IGFBP5: variants seen among roughly 807,000 people sequenced by gnomAD.
The protein encoded by IGFBP5 is insulin like growth factor binding protein 5.
IGFBP5 carries 12 observed loss-of-function variants against 28.0 expected under a neutral mutation model. The ratio of observed to expected loss-of-function variants is 0.43; its 90% confidence interval spans 0.27 to 0.69. The LOEUF is 0.69. Ranked by LOEUF, IGFBP5 falls within the 30% of genes least tolerant of loss-of-function variation. The pLI is 0.20. For synonymous variants in IGFBP5, 152 were observed against 150.2 expected, an observed-to-expected ratio of 1.01 and a Z score of -0.09; for missense variants, 344 against 381.6, an observed-to-expected ratio of 0.90 and a Z score of 0.82.
At chr2:216,688,475 A>T (rs1245209164) in intron 1 of IGFBP5, among the ~76,000 whole-genome samples, 4 of 152,220 alleles carry the variant, frequency 2.6e-5, no homozygotes, top group Admixed American at 6.5e-5. Context: ...TTACCTTTTT[A>T]AAAAAGATGT....
At position 216,678,157 on chromosome 2, in the gene IGFBP5, C is replaced by T. The variant is rs1269559117; in HGVS notation, c.642G>A (p.Val214=). The T allele has an allele frequency of 1.9e-6, 3 of 1,590,528 alleles. No individual in the cohort carries two copies. The highest frequency in any genetic ancestry group is 2.6e-6 in the Non-Finnish European group (3 of 1,165,512). The stretch of plus-strand genomic sequence containing the variant: ...CTTTGCGGTCACAATTGGGCAGGTA[C>T]ACAGCACGGGGCACCATGCGTGGGC... ...KASPRMVPRA[V]YLPNCDRKGF... is the part of the protein sequence containing the mutation. Residue 214 remains valine (V), a synonymous_variant, in exon 3 of 4, where the codon GTG becomes GTA. Transcript: ENST00000233813.
At position 216,678,934 on chromosome 2, in the gene IGFBP5, G is replaced by A; in HGVS notation, c.483C>T (p.Thr161=). 6.2e-7 allele frequency: 1 copy of A among 1,614,212 alleles called. No individual in the cohort carries two copies. The highest frequency in any genetic ancestry group is 1.1e-5 in the South Asian group (1 of 91,082). The change falls in exon 2 of 4, where the codon ACC becomes ACT. Residue 161 remains threonine, a synonymous_variant. Coordinates refer to ENST00000233813, the MANE Select transcript of IGFBP5 (RefSeq NM_000599.4). ...AVKKDRRKKL[T]QSKFVGGAEN... ...CGGCTCCCCCGACAAACTTGGACTG[G>A]GTCAGCTTCTTTCTGCGGTCCTTCT...
chr2:216,692,231 C>T lies in IGFBP5; in HGVS notation c.337+2208G>A, dbSNP rs962711585. 6.6e-6 allele frequency among the ~76,000 whole-genome samples: 1 copy of T among 152,004 alleles called. No individual in the cohort carries two copies. Among genetic ancestry groups the T allele is most frequent in the African/African-American group, 2.4e-5 (1 of 41,398 alleles). ...GCACCTGCCTTCGGCGGGGTGGAGTCGGAGAGGAGTGCTGGGGAGGGGGCG... is the reference window on the plus strand; with the variant it reads ...GCACCTGCCTTCGGCGGGGTGGAGTTGGAGAGGAGTGCTGGGGAGGGGGCG... On this transcript the variant is annotated intron_variant, in intron 1 of 3. Coordinates refer to ENST00000233813, the MANE Select transcript of IGFBP5 (RefSeq NM_000599.4). The surrounding 1 kb of genome is among the most constrained non-coding windows in gnomAD (Gnocchi z 4.2).
chr2:216,682,988 G>A (rs1295755495), intron 1 of IGFBP5, among the ~76,000 whole-genome samples: 1 of 152,126 alleles, frequency 6.6e-6, no homozygotes, highest in Non-Finnish European at 1.5e-5. Flanking sequence ...GATTACAGGC[G>A]TGAGCCACCA....
In IGFBP5 at chr2:216,694,999, C is replaced by T. The variant is rs1689151667; in HGVS notation, c.-224G>A. 4 of 382,906 alleles carry T rather than the reference C, an allele frequency of 1.0e-5. No individual in the cohort carries two copies. The Admixed American group carries it at 1.8e-4, about 17-fold the overall frequency. 23.7% of individuals were successfully genotyped at this position (382,906 alleles called of 1,614,324 possible). A position where few individuals can be genotyped will look rare whatever the true frequency, so the allele number is the denominator to read the frequency against. On this transcript the variant is annotated 5_prime_UTR_variant, in exon 1 of 4. Coordinates refer to ENST00000233813, the MANE Select transcript of IGFBP5 (RefSeq NM_000599.4). The surrounding 1 kb of genome is among the most constrained non-coding windows in gnomAD (Gnocchi z 5.2). ...CCCAGTTGCAAGAATTAAAGCCTTG[C>T]AACAGGTTGGGGGAAGCAGGGCAGC...
In IGFBP5 at chr2:216,673,393, G is replaced by T. The variant is rs1357909516; in HGVS notation, c.*3358C>A. ...TGTCTGTCTAGGCCTGGCTGTCAAA[G>T]AAAGGTTCCAGTCTCTTCCTCCCCA... On this transcript the variant is annotated 3_prime_UTR_variant, in exon 4 of 4. Coordinates refer to ENST00000233813, the MANE Select transcript of IGFBP5 (RefSeq NM_000599.4). This position sits in a 1 kb window ranked among gnomAD's most constrained non-coding sequence, Gnocchi z 4.3. 6.6e-6 allele frequency: 1 copy of T among 152,442 alleles called. No homozygotes were observed. Among genetic ancestry groups the T allele is most frequent in the Non-Finnish European group, 1.5e-5 (1 of 68,162 alleles). The allele number at this position is 152,442 out of a possible 1,614,324, so 9.4% of individuals were successfully genotyped here. A position where few individuals can be genotyped will look rare whatever the true frequency, so the allele number is the denominator to read the frequency against.
chr2:216,689,365 C>T (rs566603549), intron 1 of IGFBP5, among the ~76,000 whole-genome samples: 47 of 152,344 alleles, frequency 3.1e-4, no homozygotes, highest in Non-Finnish European at 3.7e-4. Context: ...AACCACTAGC[C>T]TAAGCCAGGC....
chr2:216,676,096 G>A lies in IGFBP5; in HGVS notation c.*655C>T, dbSNP rs1038409212. Reference sequence around the variant, plus strand: ...TTTCAGAGGAATGGAATGCATTTTAGTTTTTATAAATTTGGGGAGAGACAA... The same window carrying A: ...TTTCAGAGGAATGGAATGCATTTTAATTTTTATAAATTTGGGGAGAGACAA... On this transcript the variant is annotated 3_prime_UTR_variant, in exon 4 of 4. Coordinates refer to ENST00000233813, the MANE Select transcript of IGFBP5 (RefSeq NM_000599.4). 3 of 152,606 alleles carry A rather than the reference G, an allele frequency of 2.0e-5. No individual in the cohort carries two copies. The highest frequency in any genetic ancestry group is 1.5e-5 in the Non-Finnish European group (1 of 68,040). The allele number at this position is 152,606 out of a possible 1,614,324, so 9.5% of individuals were successfully genotyped here.
chr2:216,690,162 A>C (rs1047944708), intron 1 of IGFBP5, among the ~76,000 whole-genome samples: 2 of 152,194 alleles, frequency 1.3e-5, no homozygotes, highest in Admixed American at 6.5e-5. Flanking sequence ...TACTGTTTTG[A>C]ATAACATGTC....
rs1688937490 is a variant in IGFBP5, at chr2:216,678,944, T to C, written c.473A>G (p.Lys158Arg). ...GACAAACTTGGACTGGGTCAGCTTC[T>C]TTCTGCGGTCCTTCTTCACTGCTTC... Reference protein sequence around the residue: ...KAEAVKKDRRKKLTQSKFVGG... With the variant: ...KAEAVKKDRRRKLTQSKFVGG... The change falls in exon 2 of 4, where the codon AAG (lysine) becomes AGG (arginine). Residue 158 changes from lysine (K) to arginine (R), a missense_variant. Lys to Arg is a conservative substitution (Grantham distance 26). Transcript: ENST00000233813. The C allele has an allele frequency of 1.9e-6, 3 of 1,614,224 alleles. No individual in the cohort carries two copies. The highest frequency in any genetic ancestry group is 2.5e-6 in the Non-Finnish European group (3 of 1,180,044).
rs183867597 is a variant in IGFBP5, at chr2:216,679,368, G to C, written c.338-289C>G. On this transcript the variant is annotated intron_variant, in intron 1 of 3. Coordinates refer to ENST00000233813, the MANE Select transcript of IGFBP5 (RefSeq NM_000599.4). The surrounding 1 kb of genome is among the most constrained non-coding windows in gnomAD (Gnocchi z 4.6). ...GACTGACAGACTGATGGGTGAGGAC[G>C]GAGCAGGCCTTCTGGGGGCAGTAAG... Among the ~76,000 whole-genome samples, 3 of 152,164 alleles carry C rather than the reference G, an allele frequency of 2.0e-5. No homozygotes were observed. The highest frequency in any genetic ancestry group is 7.2e-5 in the African/African-American group (3 of 41,514).
At chr2:216,690,415 A>G (rs1039212670) in intron 1 of IGFBP5, among the ~76,000 whole-genome samples, 5 of 152,152 alleles carry the variant, frequency 3.3e-5, no homozygotes, top group Non-Finnish European at 1.5e-5. Context: ...TTTATTTTCC[A>G]CACACTAAAT....
In IGFBP5 at chr2:216,672,876, GA is replaced by G. The variant is rs1216678949; in HGVS notation, c.*3874del. 4 of 152,676 alleles carry G rather than the reference GA, an allele frequency of 2.6e-5. No homozygotes were observed. Among genetic ancestry groups the G allele is most frequent in the Admixed American group, 6.5e-5 (1 of 15,282 alleles). 9.5% of individuals were successfully genotyped at this position (152,676 alleles called of 1,614,324 possible). Reference sequence around the variant, plus strand: ...AGCCTAAGAGAAAATAAAAAGTGGAGAAACAGTGCAATGTAATTCTTGCACT... The same window carrying G: ...AGCCTAAGAGAAAATAAAAAGTGGAGAACAGTGCAATGTAATTCTTGCACT... On this transcript the variant is annotated 3_prime_UTR_variant, in exon 4 of 4. Coordinates refer to ENST00000233813, the MANE Select transcript of IGFBP5 (RefSeq NM_000599.4).
At chr2:216,678,308 G>A (rs1212757080) in intron 2 of IGFBP5, 77 bp from the exon 3 acceptor site, 2 of 1,402,960 alleles carry the variant, frequency 1.4e-6, no homozygotes, top group Non-Finnish European at 1.9e-6. Context: ...TGGCCCAGGG[G>A]GTGGGGGCTG....
chr2:216,672,282 G>A lies in IGFBP5; in HGVS notation c.*4469C>T, dbSNP rs181463665. The A allele has an allele frequency of 6.9e-6, 1 of 144,812 alleles. No homozygotes were observed. Among genetic ancestry groups the A allele is most frequent in the Non-Finnish European group, 1.5e-5 (1 of 67,134 alleles). 9.0% of individuals were successfully genotyped at this position (144,812 alleles called of 1,614,324 possible). ...AAGTACAAAATGCTAAACGGGAGCC[G>A]AGCTCTTCCGCATTCAGGTGTTTTT... On this transcript the variant is annotated 3_prime_UTR_variant, in exon 4 of 4. Coordinates refer to ENST00000233813, the MANE Select transcript of IGFBP5 (RefSeq NM_000599.4).
rs1017201518 is a variant in IGFBP5, at chr2:216,675,512, T to G, written c.*1239A>C. ...CTCTGCCTGGCTCGGTGGGTGCAGA[T>G]GAACACACGTGGGGAATCACTGTCA... is the stretch of plus-strand genomic sequence containing the variant. On this transcript the variant is annotated 3_prime_UTR_variant, in exon 4 of 4. Transcript: ENST00000233813. The G allele has an allele frequency of 6.6e-6, 1 of 152,142 alleles. No individual in the cohort carries two copies. The highest frequency in any genetic ancestry group is 2.1e-4 in the South Asian group (1 of 4,812). The allele number at this position is 152,142 out of a possible 1,614,324, so 9.4% of individuals were successfully genotyped here.
At chr2:216,683,310 C>G (rs1006425178) in intron 1 of IGFBP5, among the ~76,000 whole-genome samples, 4 of 152,214 alleles carry the variant, frequency 2.6e-5, no homozygotes, top group African/African-American at 9.6e-5. Context: ...TGAGGTGAGC[C>G]ATGATTGCTC....
At position 216,694,322 on chromosome 2, in the gene IGFBP5, A is replaced by T; in HGVS notation, c.337+117T>A. 1 of 808,680 alleles carries T rather than the reference A, an allele frequency of 1.2e-6. No homozygotes were observed. Among genetic ancestry groups the T allele is most frequent in the Non-Finnish European group, 1.8e-6 (1 of 542,904 alleles). The allele number at this position is 808,680 out of a possible 1,614,324, so 50.1% of individuals were successfully genotyped here. ...CGGGGTGCAAGGACCCTCCCCGACT[A>T]CTCCCGAGCTGCACCCCAGCTCGAA... On this transcript the variant is annotated intron_variant, in intron 1 of 3. Transcript: ENST00000233813. This position sits in a 1 kb window ranked among gnomAD's most constrained non-coding sequence, Gnocchi z 5.2.
Position 216,676,787 on chromosome 2 carries a change from A to G in IGFBP5, c.783T>C (p.Phe261=). ...TGCTGCTGTCGAAGGTGTGGCACTG[A>G]AAGTCCCCGTCAACGTACTCCATGC... is the stretch of plus-strand genomic sequence containing the variant. ...LPGMEYVDGD[F]QCHTFDSSNV... The change falls in exon 4 of 4, where the codon TTT becomes TTC. Residue 261 remains phenylalanine (F), a synonymous_variant. Coordinates refer to ENST00000233813, the MANE Select transcript of IGFBP5 (RefSeq NM_000599.4). 2 of 1,613,918 alleles carry G rather than the reference A, an allele frequency of 1.2e-6. No individual in the cohort carries two copies. Among genetic ancestry groups the G allele is most frequent in the South Asian group, 1.1e-5 (1 of 91,054 alleles).
Sources: allele counts gnomAD v4.1 joint callset (sites outside exome capture counted in the v4.1 genomes callset), GRCh38; gene constraint gnomAD v4.1.1; non-coding constraint Gnocchi (gnomAD v3.1); transcripts MANE v1.5; gene names NCBI Gene and HGNC (gene_info 2026-07-23, HGNC 2026-07-21).